The following THSD7B variants were observed in gnomAD, a reference collection of about 807,000 sequenced individuals.
THSD7B encodes thrombospondin type 1 domain containing 7B.
In THSD7B, 138 loss-of-function variants were observed where a neutral mutation model predicts 213.6. That is an observed-to-expected ratio of 0.65 (90% CI 0.56 to 0.74). The LOEUF (loss-of-function observed/expected upper bound fraction) is 0.74, where lower values mean the gene tolerates loss of function less well. Ranked by LOEUF, THSD7B falls within the 30% of genes least tolerant of loss-of-function variation. The pLI is 0.00. For missense variants in THSD7B, 1,931 were observed against 1,991.5 expected, an observed-to-expected ratio of 0.97 and a Z score of 0.58; for synonymous variants, 742 against 687.0, an observed-to-expected ratio of 1.08 and a Z score of -1.25.
chr2:137,056,716 A>G lies in THSD7B; in HGVS notation c.436A>G (p.Ile146Val). Residue 146 changes from isoleucine (I) to valine (V), a missense_variant, in exon 3 of 28, where the codon ATT becomes GTT. Ile to Val is a conservative substitution (Grantham distance 29, BLOSUM62 3). Coordinates refer to ENST00000409968, the MANE Select transcript of THSD7B (RefSeq NM_001316349.2). ...HGLQHRMVRC[I>V]QKLNRTVVAN... Reference sequence around the variant, plus strand: ...ACTGCAGCACCGGATGGTGCGCTGCATTCAGAAGCTGAACCGAACTGTGGT... The same window carrying G: ...ACTGCAGCACCGGATGGTGCGCTGCGTTCAGAAGCTGAACCGAACTGTGGT... The G allele has an allele frequency of 6.2e-7, 1 of 1,614,002 alleles. No homozygotes were observed. Among genetic ancestry groups the G allele is most frequent in the East Asian group, 2.2e-5 (1 of 44,870 alleles).
chr2:137,182,536 A>C (rs1359779825), intron 7 of THSD7B, among the ~76,000 whole-genome samples: 2 of 152,184 alleles, frequency 1.3e-5, no homozygotes, highest in Non-Finnish European at 2.9e-5. Flanking sequence ...TCATTTCTTC[A>C]AAAGGTATGA....
chr2:137,574,402 C>A (rs535216618), intron 17 of THSD7B, among the ~76,000 whole-genome samples: 6 of 152,102 alleles, frequency 3.9e-5, no homozygotes, highest in Non-Finnish European at 5.9e-5. Flanking sequence ...CACTTGTCAG[C>A]ATGAAATGGG....
At chr2:137,382,775 A>G (rs1685806242) in intron 12 of THSD7B, among the ~76,000 whole-genome samples, 1 of 152,164 alleles carries the variant, frequency 6.6e-6, no homozygotes, top group Non-Finnish European at 1.5e-5. Flanking sequence ...TGGGATCTGT[A>G]GTCCTAATGC....
At chr2:136,998,261 C>CAAAAAAAAAAAAAAAAAAGAAA (rs1685930659) in intron 2 of THSD7B, among the ~76,000 whole-genome samples, 1 of 98,402 alleles carries the variant, frequency 1.0e-5, no homozygotes, top group Non-Finnish European at 2.1e-5. Flanking sequence ...ACTAAAAGGC[C>CAAAAAAAAAAAAAAAAAAGAAA]AAAAAAAAAA....
intron 12 of THSD7B, among the ~76,000 whole-genome samples, chr2:137,357,471 T>A (rs1273960706): frequency 6.6e-6 from 1 of 152,162 alleles, no homozygotes; most frequent in East Asian, 1.9e-4. Context: ...ATAGGATTGT[T>A]ATAAGTATTA....
intron 2 of THSD7B, among the ~76,000 whole-genome samples, chr2:137,047,500 C>T (rs1252319312): frequency 6.6e-6 from 1 of 152,138 alleles, no homozygotes; most frequent in Admixed American, 6.5e-5. Context: ...AAGTGACTGG[C>T]TTATGCCTCC....
intron 2 of THSD7B, among the ~76,000 whole-genome samples, chr2:136,887,300 T>TGTGTG (rs113561158): frequency 6.7e-6 from 1 of 148,464 alleles, no homozygotes; most frequent in African/African-American, 2.5e-5. Flanking sequence ...TCCATATTTG[T>TGTGTG]TGTGTGTGTG....
At chr2:137,671,778 G>T (rs1236998869) in intron 27 of THSD7B, among the ~76,000 whole-genome samples, 1 of 152,138 alleles carries the variant, frequency 6.6e-6, no homozygotes, top group Non-Finnish European at 1.5e-5. Flanking sequence ...AACCGTATCA[G>T]GCACTTAGGG....
intron 9 of THSD7B, among the ~76,000 whole-genome samples, chr2:137,234,039 A>G (rs552217762): frequency 1.9e-4 from 29 of 152,264 alleles, no homozygotes; most frequent in African/African-American, 6.7e-4. Context: ...AAGCTGGGAG[A>G]ATGAAACTCA....
At chr2:136,796,368 C>T (rs1318919571) in intron 1 of THSD7B, among the ~76,000 whole-genome samples, 6 of 151,878 alleles carry the variant, frequency 4.0e-5, no homozygotes, top group Admixed American at 3.9e-4. Flanking sequence ...GTAATTTCTT[C>T]GTGGGATGGT....
chr2:136,998,941 C>CACACACACACACACAA, intron 2 of THSD7B, among the ~76,000 whole-genome samples: 1 of 151,760 alleles, frequency 6.6e-6, no homozygotes, highest in African/African-American at 2.4e-5. Context: ...CACACACACA[C>CACACACACACACACAA]ACACACACAC....
chr2:136,904,052 TGTCCCC>T, intron 2 of THSD7B, among the ~76,000 whole-genome samples: 1 of 52,558 alleles, frequency 1.9e-5, no homozygotes. Context: ...GTCCCAGCTG[TGTCCCC>T]AAATGTTCCT....
intron 12 of THSD7B, among the ~76,000 whole-genome samples, chr2:137,357,523 C>T (rs764359105): frequency 9.2e-5 from 14 of 152,088 alleles, no homozygotes; most frequent in Non-Finnish European, 1.5e-4. Context: ...GTTGGACCCC[C>T]GATGCCTTAG....
At chr2:137,073,436 G>C (rs1035939071) in intron 3 of THSD7B, among the ~76,000 whole-genome samples, 3 of 151,940 alleles carry the variant, frequency 2.0e-5, no homozygotes, top group Admixed American at 6.6e-5. Flanking sequence ...TATTTCTGTG[G>C]GATCAGTGGT....
intron 2 of THSD7B, among the ~76,000 whole-genome samples, chr2:136,953,034 G>A (rs2105074484): frequency 6.6e-6 from 1 of 152,184 alleles, no homozygotes; most frequent in South Asian, 2.1e-4. Flanking sequence ...ATGAAGATTA[G>A]GGTAAAAATA....
chr2:137,640,447 T>A (rs1682918730), intron 20 of THSD7B, among the ~76,000 whole-genome samples: 1 of 152,218 alleles, frequency 6.6e-6, no homozygotes, highest in African/African-American at 2.4e-5. Flanking sequence ...AAATTCCTTG[T>A]ATATCTCCTA....
intron 1 of THSD7B, among the ~76,000 whole-genome samples, chr2:136,822,300 C>T (rs1395094595): frequency 1.3e-5 from 2 of 152,160 alleles, no homozygotes; most frequent in Admixed American, 1.3e-4. Flanking sequence ...CAAAGAATCC[C>T]TTCGGCCGTT....
At chr2:136,911,302 A>G (rs1684252886) in intron 2 of THSD7B, among the ~76,000 whole-genome samples, 4 of 152,104 alleles carry the variant, frequency 2.6e-5, no homozygotes, top group African/African-American at 7.2e-5. Flanking sequence ...TTGCTCTTTA[A>G]ATGCCATTCA....
chr2:137,558,896 C>T lies in THSD7B; in HGVS notation c.3139-4325C>T, dbSNP rs1347180839. Among the ~76,000 whole-genome samples the T allele has an allele frequency of 5.3e-5, 8 of 152,264 alleles. No homozygotes were observed. The East Asian group carries it at 1.4e-3, about 26-fold the overall frequency. On this transcript the variant is annotated intron_variant, in intron 15 of 27. Coordinates refer to ENST00000409968, the MANE Select transcript of THSD7B (RefSeq NM_001316349.2). ...GGATACAAAATCAGTGTGCAAAAAT[C>T]ACAAGCATTCTTATACACCAATAAC... is the stretch of plus-strand genomic sequence containing the variant.
Sources: allele counts gnomAD v4.1 joint callset (sites outside exome capture counted in the v4.1 genomes callset), GRCh38; gene constraint gnomAD v4.1.1; transcripts MANE v1.5; gene names NCBI Gene and HGNC (gene_info 2026-07-23, HGNC 2026-07-21).